EFCAB6: variants seen among roughly 807,000 people sequenced by gnomAD.
EFCAB6 encodes EF-hand calcium binding domain 6.
A neutral mutation model predicts 169.8 loss-of-function variants in EFCAB6; 156 were observed. The ratio of observed to expected loss-of-function variants is 0.92; its 90% CI spans 0.81 to 1.05. The LOEUF (loss-of-function observed/expected upper bound fraction) is 1.05. Among genes scored for constraint, EFCAB6 ranks in the 50% least tolerant of loss-of-function variants. The probability of loss-of-function intolerance (pLI) is 0.00; values close to 1 mark genes in which losing one functional copy is unlikely to be tolerated. For missense variants in EFCAB6, 1,800 were observed against 1,829.1 expected (o/e 0.98, Z 0.29); for synonymous variants, 698 against 676.4 (o/e 1.03, Z -0.50).
Position 43,555,489 on chromosome 22 carries a change from G to C in EFCAB6, c.3421-393C>G, listed in dbSNP as rs140665226. Among the ~76,000 whole-genome samples the C allele has an allele frequency of 5.2e-3, 792 of 152,364 alleles. 4 individuals carry two copies. The highest frequency in any genetic ancestry group is 0.041 in the Middle Eastern group (12 of 294). On this transcript the variant is annotated intron_variant, in intron 26 of 31. Transcript: ENST00000262726. Reference sequence around the variant, plus strand: ...AGAGGCCAGGGAATGAACAGGGATTGGCACCCACATGCTTTCATTTCAGGA... The same window carrying C: ...AGAGGCCAGGGAATGAACAGGGATTCGCACCCACATGCTTTCATTTCAGGA...
chr22:43,580,748 A>G, intron 24 of EFCAB6, 89 bp from the exon 25 acceptor site: 1 of 1,380,062 alleles, frequency 7.2e-7, no homozygotes, highest in Admixed American at 2.0e-5. Context: ...ACATTGGGCA[A>G]TGTGGGGAAA....
intron 10 of EFCAB6, among the ~76,000 whole-genome samples, chr22:43,694,176 A>G (rs966024612): frequency 6.6e-6 from 1 of 152,048 alleles, no homozygotes; most frequent in Admixed American, 6.6e-5. Context: ...AGATGGTCTG[A>G]TACATATGTA....
rs780554264 is a variant in EFCAB6 at position 43,628,151 on chromosome 22, A to C, written c.2233-1472T>G. 6.6e-6 allele frequency among the ~76,000 whole-genome samples: 1 copy of C among 151,916 alleles called. No homozygotes were observed. The highest frequency in any genetic ancestry group is 1.9e-4 in the East Asian group (1 of 5,154). On this transcript the variant is annotated intron_variant, in intron 19 of 31. Coordinates refer to ENST00000262726, the MANE Select transcript of EFCAB6 (RefSeq NM_022785.4). This position sits in a 1 kb window ranked among gnomAD's most constrained non-coding sequence, Gnocchi z 4.8. The stretch of plus-strand genomic sequence containing the variant: ...TTTTCTCTGGGATGTCAAACTGAAC[A>C]TGGCCCAAATCAAACTCCTGACCTC...
At chr22:43,679,424 T>C (rs1014547314) in intron 12 of EFCAB6, among the ~76,000 whole-genome samples, 1 of 152,242 alleles carries the variant, frequency 6.6e-6, no homozygotes, top group African/African-American at 2.4e-5. Flanking sequence ...AGTTTGGAAA[T>C]TGTGAATAAT....
chr22:43,789,096 T>C lies in EFCAB6; in HGVS notation c.-7-6771A>G, dbSNP rs117710992. Among the ~76,000 whole-genome samples the C allele has an allele frequency of 9.8e-3, 1,488 of 152,142 alleles. 19 individuals carry two copies. Among genetic ancestry groups the C allele is most frequent in the Non-Finnish European group, 0.012 (840 of 68,000 alleles). On this transcript the variant is annotated intron_variant, in intron 2 of 31. Transcript: ENST00000262726. ...CAGGGGCTAAAAAAAAGAAAATAGA[T>C]TGGCAGTTGCCAGGAACTGGAAGAA...
At chr22:43,800,518 T>C (rs768180949) in intron 2 of EFCAB6, among the ~76,000 whole-genome samples, 5 of 152,338 alleles carry the variant, frequency 3.3e-5, no homozygotes, top group Admixed American at 6.5e-5. Context: ...CAGTGATATT[T>C]GAGCTGTCTA....
chr22:43,589,320 A>AAAAAAAAAAAAAAAAAAAG (rs1569207678), intron 24 of EFCAB6, among the ~76,000 whole-genome samples: 1 of 59,772 alleles, frequency 1.7e-5, no homozygotes. Flanking sequence ...AAAAAAAAAA[A>AAAAAAAAAAAAAAAAAAAG]AGAAGTACAG....
intron 24 of EFCAB6, among the ~76,000 whole-genome samples, chr22:43,587,818 T>G (rs2051178600): frequency 6.6e-6 from 1 of 152,196 alleles, no homozygotes; most frequent in Non-Finnish European, 1.5e-5. Context: ...GGTGAAATAT[T>G]CAGCCTTCTG....
At chr22:43,534,501 C>CT (rs2047271318) in intron 30 of EFCAB6, among the ~76,000 whole-genome samples, 187 bp downstream of exon 30, 1 of 152,214 alleles carries the variant, frequency 6.6e-6, no homozygotes, top group Non-Finnish European at 1.5e-5. Flanking sequence ...CAGCTTGTGC[C>CT]TGTGGTCCTA....
intron 2 of EFCAB6, among the ~76,000 whole-genome samples, chr22:43,789,878 CACACAA>C (rs1388610312): frequency 6.6e-6 from 1 of 151,638 alleles, no homozygotes. Context: ...CACACACACA[CACACAA>C]AAGTCTTCCT....
rs552212974 is a variant in EFCAB6 at position 43,717,716 on chromosome 22, G to A, written c.758-744C>T. On this transcript the variant is annotated intron_variant, in intron 8 of 31. Transcript: ENST00000262726. Reference sequence around the variant, plus strand: ...GTTCTGGCTTGTGTATAAAAACTTGGTACTTGAATATGCTTAAATCCTTTT... The same window carrying A: ...GTTCTGGCTTGTGTATAAAAACTTGATACTTGAATATGCTTAAATCCTTTT... 1.8e-4 allele frequency among the ~76,000 whole-genome samples: 27 copies of A among 152,184 alleles called. No homozygotes were observed. In the East Asian group the frequency reaches 5.2e-3, roughly 29 times the overall value.
At chr22:43,589,657 GTA>G (rs879818567) in intron 24 of EFCAB6, among the ~76,000 whole-genome samples, 46 of 152,228 alleles carry the variant, frequency 3.0e-4, no homozygotes, top group Non-Finnish European at 5.7e-4. Context: ...GCGTGGTGGT[GTA>G]CACCTGTAAT....
intron 26 of EFCAB6, among the ~76,000 whole-genome samples, chr22:43,562,839 A>G (rs2049154328): frequency 7.7e-6 from 1 of 130,274 alleles, no homozygotes; most frequent in Non-Finnish European, 1.6e-5. Flanking sequence ...GGAGGGAGGC[A>G]GCCCGGTGGG....
intron 20 of EFCAB6, among the ~76,000 whole-genome samples, chr22:43,621,216 G>T (rs1018370654): frequency 3.3e-5 from 5 of 151,812 alleles, no homozygotes; most frequent in Non-Finnish European, 7.4e-5. Flanking sequence ...AGCCTCCTGA[G>T]TAGCTGAAAT....
chr22:43,792,068 C>CT (rs2062314888), intron 2 of EFCAB6, among the ~76,000 whole-genome samples: 1 of 152,110 alleles, frequency 6.6e-6, no homozygotes, highest in East Asian at 1.9e-4. Context: ...GTGATGGGAG[C>CT]CTGTGGCAGC....
intron 6 of EFCAB6, among the ~76,000 whole-genome samples, chr22:43,741,684 T>A (rs1425665715): frequency 2.0e-5 from 3 of 152,180 alleles, no homozygotes; most frequent in African/African-American, 4.8e-5. Flanking sequence ...CCCATAAGTA[T>A]ACATGCAGAG....
At chr22:43,802,246 T>C (rs1405307716) in intron 2 of EFCAB6, among the ~76,000 whole-genome samples, 1 of 152,086 alleles carries the variant, frequency 6.6e-6, no homozygotes, top group African/African-American at 2.4e-5. Context: ...TGAAAGAAGA[T>C]AAAACCAGCT....
chr22:43,677,734 C>T (rs544961777), intron 13 of EFCAB6, among the ~76,000 whole-genome samples: 1 of 152,080 alleles, frequency 6.6e-6, no homozygotes, highest in South Asian at 2.1e-4. Context: ...GTTGAGGTGG[C>T]GCCAGTTACA....
intron 12 of EFCAB6, 50 bp downstream of exon 12, chr22:43,683,697 A>G (rs748794361): frequency 6.7e-6 from 9 of 1,335,626 alleles, no homozygotes; most frequent in Non-Finnish European, 7.6e-6. Context: ...GAGTGTTTGC[A>G]TTCTTAGAAA....
Sources: gnomAD v4.1 joint callset for allele counts (sites outside exome capture counted in the v4.1 genomes callset) on GRCh38, gnomAD v4.1.1 for gene constraint, Gnocchi (gnomAD v3.1) non-coding constraint, MANE v1.5 for transcripts, NCBI Gene and HGNC (gene_info 2026-07-23, HGNC 2026-07-21) for gene names.